RPL27A: variants seen among roughly 807,000 people sequenced by gnomAD.
RPL27A encodes the protein large ribosomal subunit protein uL15.
For synonymous variants in RPL27A, 69 were observed against 68.3 expected (o/e 1.01, Z -0.05); for missense variants, 118 against 189.4 (o/e 0.62, Z 2.21).
chr11:8,684,933 C>T (rs1383502324), intron 4 of RPL27A, 41 bp downstream of exon 4: 1 of 1,591,718 alleles, frequency 6.3e-7, no homozygotes, highest in African/African-American at 1.3e-5. Context: ...CATACCTTCC[C>T]TTACAAAACT....
Position 8,684,825 on chromosome 11 carries a change from A to G in RPL27A, c.251A>G (p.Glu84Gly), listed in dbSNP as rs141069015. ...GACAAATTGTGGACTTTGGTCAGTG[A>G]ACAGACACGGGTGAATGCTGCTAAA... is the stretch of plus-strand genomic sequence containing the variant. Reference protein sequence around the residue: ...NLDKLWTLVSEQTRVNAAKNK... With the variant: ...NLDKLWTLVSGQTRVNAAKNK... Residue 84 changes from glutamate (E) to glycine (G), a missense_variant, in exon 4 of 5, where the codon GAA (glutamate) becomes GGA (glycine). By Grantham distance (98) the Glu-to-Gly change is moderately conservative. Coordinates refer to ENST00000314138, the MANE Select transcript of RPL27A (RefSeq NM_000990.5). The G allele has an allele frequency of 7.4e-6, 12 of 1,613,910 alleles. No individual in the cohort carries two copies. Among genetic ancestry groups the G allele is most frequent in the African/African-American group, 6.7e-5 (5 of 74,942 alleles).
chr11:8,687,396 C>CCCT lies in RPL27A; in HGVS notation c.*1592_*1593insTCC, dbSNP rs1433061651. The CCCT allele has an allele frequency of 7.3e-6, 1 of 137,350 alleles. No homozygotes were observed. Among genetic ancestry groups the CCCT allele is most frequent in the Non-Finnish European group, 1.6e-5 (1 of 60,696 alleles). 8.5% of individuals were successfully genotyped at this position (137,350 alleles called of 1,614,324 possible). ...AACAAGAGTGAAACTCTGTCCACCC[C>CCCT]CCCCAAAAAAAGTAAGGGCTCTCCA... is the stretch of plus-strand genomic sequence containing the variant. On this transcript the variant is annotated 3_prime_UTR_variant, in exon 5 of 5. Transcript: ENST00000314138.
chr11:8,685,964 A>T lies in RPL27A; in HGVS notation c.*158A>T. The stretch of plus-strand genomic sequence containing the variant: ...GGGGTCCTCTCCTGACTTCCCTCAA[A>T]TATATGGTAAACGTAAGACCAACAC... On this transcript the variant is annotated 3_prime_UTR_variant, in exon 5 of 5. Coordinates refer to ENST00000314138, the MANE Select transcript of RPL27A (RefSeq NM_000990.5). 1.6e-6 allele frequency: 1 copy of T among 641,714 alleles called. No homozygotes were observed. The highest frequency in any genetic ancestry group is 2.0e-5 in the South Asian group (1 of 50,572). 39.8% of individuals were successfully genotyped at this position (641,714 alleles called of 1,614,324 possible).
At chr11:8,684,342 A>G (rs1223390513) in intron 3 of RPL27A, 1 of 735,936 alleles carries the variant, frequency 1.4e-6, no homozygotes. Context: ...GTCAGTCACC[A>G]GGTTAGAGAC....
At position 8,687,542 on chromosome 11, in the gene RPL27A, C is replaced by T. The variant is rs981571671; in HGVS notation, c.*1736C>T. 6.6e-6 allele frequency: 1 copy of T among 152,276 alleles called. No homozygotes were observed. The highest frequency in any genetic ancestry group is 1.5e-5 in the Non-Finnish European group (1 of 68,062). The allele number at this position is 152,276 out of a possible 1,614,324, so 9.4% of individuals were successfully genotyped here. On this transcript the variant is annotated 3_prime_UTR_variant, in exon 5 of 5. Transcript: ENST00000314138. ...TGGTCTTCACCCAATACCTGTGTGA[C>T]TTTTAGTCCTAATTTCCTCATCTTT...
intron 3 of RPL27A, chr11:8,684,424 G>A (rs1592236789): frequency 1.4e-6 from 1 of 715,154 alleles, no homozygotes; most frequent in East Asian, 2.7e-5. Context: ...TTTATTATAG[G>A]AGTATGTAGA....
rs1565593648 is a variant in RPL27A, at chr11:8,688,337, G to A, written c.*2531G>A. Reference sequence around the variant, plus strand: ...TTCCCCAGGAGTTGTTAGGCCATCCGATCCCCTGGCCTGGGAAAGAAACAC... The same window carrying A: ...TTCCCCAGGAGTTGTTAGGCCATCCAATCCCCTGGCCTGGGAAAGAAACAC... On this transcript the variant is annotated 3_prime_UTR_variant, in exon 5 of 5. Coordinates refer to ENST00000314138, the MANE Select transcript of RPL27A (RefSeq NM_000990.5). 6.6e-6 allele frequency: 1 copy of A among 152,166 alleles called. No individual in the cohort carries two copies. The highest frequency in any genetic ancestry group is 1.5e-5 in the Non-Finnish European group (1 of 68,020). The allele number at this position is 152,166 out of a possible 1,614,324, so 9.4% of individuals were successfully genotyped here.
chr11:8,686,760 A>G lies in RPL27A; in HGVS notation c.*954A>G, dbSNP rs894978503. 2 of 152,184 alleles carry G rather than the reference A, an allele frequency of 1.3e-5. No homozygotes were observed. Among genetic ancestry groups the G allele is most frequent in the African/African-American group, 4.8e-5 (2 of 41,450 alleles). 9.4% of individuals were successfully genotyped at this position (152,184 alleles called of 1,614,324 possible). ...TTTTCTAGGATTTGTGTCTCTTGCT[A>G]TTGGAAAACTGATGGTGACCAATTC... On this transcript the variant is annotated 3_prime_UTR_variant, in exon 5 of 5. Coordinates refer to ENST00000314138, the MANE Select transcript of RPL27A (RefSeq NM_000990.5).
chr11:8,685,033 A>G (rs1404905634), intron 4 of RPL27A, 141 bp downstream of exon 4: 6 of 861,080 alleles, frequency 7.0e-6, no homozygotes, highest in East Asian at 5.0e-5. Flanking sequence ...TATCATAGGT[A>G]GTTCCCTATC....
intron 3 of RPL27A, chr11:8,684,343 G>T: frequency 1.4e-6 from 1 of 735,656 alleles, no homozygotes; most frequent in East Asian, 2.6e-5. Flanking sequence ...TCAGTCACCA[G>T]GTTAGAGACA....
intron 2 of RPL27A, 69 bp downstream of exon 2, chr11:8,683,334 G>C (rs2039528466): frequency 7.2e-7 from 1 of 1,390,820 alleles, no homozygotes; most frequent in African/African-American, 1.4e-5. Flanking sequence ...CTGGAGATCG[G>C]TAGCCTATAA....
In RPL27A at chr11:8,685,939, G is replaced by GAGA; in HGVS notation, c.*133_*134insAGA. On this transcript the variant is annotated 3_prime_UTR_variant, in exon 5 of 5. Coordinates refer to ENST00000314138, the MANE Select transcript of RPL27A (RefSeq NM_000990.5). ...TCTAGTACTTAGGGTATGAAGACAT[G>GAGA]GGGTCCTCTCCTGACTTCCCTCAAA... 1 of 791,782 alleles carries GAGA rather than the reference G, an allele frequency of 1.3e-6. No homozygotes were observed. The highest frequency in any genetic ancestry group is 2.0e-6 in the Non-Finnish European group (1 of 500,962). 49.0% of individuals were successfully genotyped at this position (791,782 alleles called of 1,614,324 possible).
At position 8,683,585 on chromosome 11, in the gene RPL27A, G is replaced by A. The variant is rs560727853; in HGVS notation, c.67+320G>A. 12 of 515,988 alleles carry A rather than the reference G, an allele frequency of 2.3e-5. No individual in the cohort carries two copies. The South Asian group carries it at 2.6e-4, about 11-fold the overall frequency. 32.0% of individuals were successfully genotyped at this position (515,988 alleles called of 1,614,324 possible). On this transcript the variant is annotated intron_variant, in intron 2 of 4. Transcript: ENST00000314138. Reference sequence around the variant, plus strand: ...CATTGCTGAAAACCGGCATCGGTAGGGTGGGAACAGCGTAAGCGGGACACA... The same window carrying A: ...CATTGCTGAAAACCGGCATCGGTAGAGTGGGAACAGCGTAAGCGGGACACA...
At chr11:8,683,499 T>C (rs1022789673) in intron 2 of RPL27A, 2 of 584,146 alleles carry the variant, frequency 3.4e-6, no homozygotes, top group Non-Finnish European at 6.1e-6. Flanking sequence ...CATGGAGTAC[T>C]GTGGGAATGC....
intron 4 of RPL27A, 78 bp downstream of exon 4, chr11:8,684,970 A>C: frequency 7.4e-7 from 1 of 1,352,906 alleles, no homozygotes; most frequent in Non-Finnish European, 1.1e-6. Flanking sequence ...CACTTATATA[A>C]TCTGTACTTC....
At position 8,687,389 on chromosome 11, in the gene RPL27A, T is replaced by TTCCCCCCC. The variant is rs1555082942; in HGVS notation, c.*1583_*1584insTCCCCCCC. On this transcript the variant is annotated 3_prime_UTR_variant, in exon 5 of 5. Coordinates refer to ENST00000314138, the MANE Select transcript of RPL27A (RefSeq NM_000990.5). The stretch of plus-strand genomic sequence containing the variant: ...CTTGGGCAACAAGAGTGAAACTCTG[T>TTCCCCCCC]CCACCCCCCCCAAAAAAAGTAAGGG... 9.9e-6 allele frequency: 1 copy of TTCCCCCCC among 100,804 alleles called. No individual in the cohort carries two copies. The highest frequency in any genetic ancestry group is 3.3e-5 in the African/African-American group (1 of 30,364). The allele number at this position is 100,804 out of a possible 1,614,324, so 6.2% of individuals were successfully genotyped here. A position where few individuals can be genotyped will look rare whatever the true frequency, so the allele number is the denominator to read the frequency against.
chr11:8,683,564 G>A, intron 2 of RPL27A: 1 of 532,048 alleles, frequency 1.9e-6, no homozygotes, highest in Non-Finnish European at 3.4e-6. Context: ...TAATCGCATT[G>A]CTGAAAACCG....
In RPL27A at chr11:8,686,384, CCA is replaced by C; in HGVS notation, c.*579_*580del. The C allele has an allele frequency of 6.5e-6, 1 of 152,806 alleles. No homozygotes were observed. The highest frequency in any genetic ancestry group is 1.5e-5 in the Non-Finnish European group (1 of 68,508). The allele number at this position is 152,806 out of a possible 1,614,324, so 9.5% of individuals were successfully genotyped here. ...TAACTGGGATTACAGGCGCCCACCA[CCA>C]TGCCCAGCTAATTTTTGTATTTTCA... On this transcript the variant is annotated 3_prime_UTR_variant, in exon 5 of 5. Transcript: ENST00000314138.
intron 2 of RPL27A, 35 bp downstream of exon 2, chr11:8,683,300 G>A (rs1161832046): frequency 1.9e-6 from 3 of 1,593,886 alleles, no homozygotes; most frequent in Non-Finnish European, 2.6e-6. Flanking sequence ...TGGGCCTTGG[G>A]CTCTCTTCGG....
Sources: gnomAD v4.1 joint callset for allele counts on GRCh38, gnomAD v4.1.1 for gene constraint, MANE v1.5 for transcripts, NCBI Gene and HGNC (gene_info 2026-07-23, HGNC 2026-07-21) for gene names.